The following PRTG variants were observed in gnomAD, a reference collection of about 807,000 sequenced individuals.
PRTG encodes protogenin.
Under a neutral mutation model 122.5 loss-of-function variants are expected in PRTG, and 67 were observed. The ratio of observed to expected loss-of-function variants is 0.55; its 90% CI spans 0.45 to 0.67. The LOEUF is 0.67. Among genes scored for constraint, PRTG ranks in the 30% least tolerant of loss-of-function variants. PRTG has a pLI of 0.00. For missense variants in PRTG, 1,435 were observed against 1,415.4 expected (o/e 1.01, Z -0.22); for synonymous variants, 554 against 501.1 (o/e 1.11, Z -1.41).
chr15:55,673,040 C>T (rs2059481801), intron 10 of PRTG, among the ~76,000 whole-genome samples: 2 of 152,022 alleles, frequency 1.3e-5, no homozygotes, highest in South Asian at 4.1e-4. Context: ...AGTCCTCCTA[C>T]TGAACTAAGG....
Position 55,613,049 on chromosome 15 carries a change from T to G in PRTG, c.*6963A>C, listed in dbSNP as rs2059127778. ...GATTATTTACACTTGAATTTTCTCTTAAGTTTTCAAAGTACTATTGTTTCA... is the reference window on the plus strand; with the variant it reads ...GATTATTTACACTTGAATTTTCTCTGAAGTTTTCAAAGTACTATTGTTTCA... On this transcript the variant is annotated 3_prime_UTR_variant, in exon 20 of 20. Transcript: ENST00000389286. The G allele has an allele frequency of 6.6e-6, 1 of 152,064 alleles. No individual in the cohort carries two copies. Among genetic ancestry groups the G allele is most frequent in the Non-Finnish European group, 1.5e-5 (1 of 67,936 alleles). 9.4% of individuals were successfully genotyped at this position (152,064 alleles called of 1,614,324 possible).
chr15:55,673,214 C>A (rs1374409368), intron 10 of PRTG, among the ~76,000 whole-genome samples, 157 bp downstream of exon 10: 1 of 152,052 alleles, frequency 6.6e-6, no homozygotes, highest in Non-Finnish European at 1.5e-5. Context: ...AAAGCGACTA[C>A]TTAATAAAAA....
At chr15:55,622,391 T>C (rs1157107782) in intron 18 of PRTG, among the ~76,000 whole-genome samples, 1 of 148,276 alleles carries the variant, frequency 6.7e-6, no homozygotes. Context: ...CTAATTTTTT[T>C]TTTTTTTTTT....
rs201846185 is a variant in PRTG, at chr15:55,638,618, C to T, written c.2383G>A (p.Val795Ile). 298 of 1,613,044 alleles carry T rather than the reference C, an allele frequency of 1.8e-4. No homozygotes were observed. Among genetic ancestry groups the T allele is most frequent in the Non-Finnish European group, 2.4e-4 (278 of 1,179,350 alleles). Residue 795 changes from valine to isoleucine, a missense_variant, in exon 14 of 20, where the codon GTT (valine) becomes ATT (isoleucine). Coordinates refer to ENST00000389286, the MANE Select transcript of PRTG (RefSeq NM_173814.6). ...LEPNTKYEFA[V>I]RLHVDQLSSP... is the part of the protein sequence containing the mutation. ...GAAAGCTGATCCACATGTAATCGAA[C>T]GGCAAATTCGTATTTGGTGTTTGGT...
intron 2 of PRTG, among the ~76,000 whole-genome samples, chr15:55,709,244 G>A (rs1187117597): frequency 4.2e-5 from 6 of 143,202 alleles, no homozygotes; most frequent in Non-Finnish European, 9.1e-5. Context: ...CCGTAATTAT[G>A]AGTGAAAGGA....
At chr15:55,662,959 T>C (rs183575604) in intron 11 of PRTG, among the ~76,000 whole-genome samples, 1 of 152,170 alleles carries the variant, frequency 6.6e-6, no homozygotes. Context: ...GCTATAGACA[T>C]CTCCACTGGG....
In PRTG at chr15:55,617,920, C is replaced by T. The variant is rs974126408; in HGVS notation, c.*2092G>A. The T allele has an allele frequency of 2.0e-5, 3 of 152,138 alleles. No homozygotes were observed. Among genetic ancestry groups the T allele is most frequent in the African/African-American group, 7.2e-5 (3 of 41,436 alleles). 9.4% of individuals were successfully genotyped at this position (152,138 alleles called of 1,614,324 possible). A position where few individuals can be genotyped will look rare whatever the true frequency, so the allele number is the denominator to read the frequency against. ...ACTTCTACTTACCAACCACAAAGCG[C>T]TATACCCTGTCAATCTGCCTATGCT... On this transcript the variant is annotated 3_prime_UTR_variant, in exon 20 of 20. Transcript: ENST00000389286.
In PRTG at chr15:55,619,341, A is replaced by C. The variant is rs1338281036; in HGVS notation, c.*671T>G. The C allele has an allele frequency of 6.6e-6, 1 of 152,358 alleles. No individual in the cohort carries two copies. The highest frequency in any genetic ancestry group is 6.5e-5 in the Admixed American group (1 of 15,280). 9.4% of individuals were successfully genotyped at this position (152,358 alleles called of 1,614,324 possible). A position where few individuals can be genotyped will look rare whatever the true frequency, so the allele number is the denominator to read the frequency against. The stretch of plus-strand genomic sequence containing the variant: ...CACTTTTCCTCTTCTCAGTGGTTTA[A>C]CGGTCCTCACAGCCAGAGGTATGAA... On this transcript the variant is annotated 3_prime_UTR_variant, in exon 20 of 20. Transcript: ENST00000389286.
At chr15:55,663,133 A>G (rs1056048031) in intron 11 of PRTG, among the ~76,000 whole-genome samples, 6 of 152,228 alleles carry the variant, frequency 3.9e-5, no homozygotes, top group Admixed American at 1.3e-4. Flanking sequence ...ATATTTACAG[A>G]TAACAGTTAT....
At chr15:55,657,085 A>AATGAGGCC (rs1234329982) in intron 11 of PRTG, among the ~76,000 whole-genome samples, 1 of 152,236 alleles carries the variant, frequency 6.6e-6, no homozygotes, top group African/African-American at 2.4e-5. Context: ...GTATACCAAG[A>AATGAGGCC]ATGAGGCCAT....
intron 15 of PRTG, among the ~76,000 whole-genome samples, chr15:55,634,597 T>C (rs953555130): frequency 2.6e-5 from 4 of 151,894 alleles, no homozygotes; most frequent in Admixed American, 6.6e-5. Flanking sequence ...TCCTAGCACT[T>C]TGGGAGGCTG....
intron 2 of PRTG, among the ~76,000 whole-genome samples, chr15:55,696,367 C>T (rs1254181508): frequency 6.6e-6 from 1 of 152,172 alleles, no homozygotes; most frequent in East Asian, 1.9e-4. Flanking sequence ...ATTTTTATGA[C>T]ACTGGTCTTT....
In PRTG at chr15:55,679,400, C is replaced by T. The variant is rs773260004; in HGVS notation, c.1019G>A (p.Arg340Gln). The change falls in exon 7 of 20, where the codon CGA becomes CAA. Residue 340 changes from arginine (R) to glutamine (Q), a missense_variant. By Grantham distance (43) the Arg-to-Gln change is conservative. Coordinates refer to ENST00000389286, the MANE Select transcript of PRTG (RefSeq NM_173814.6). ...VEWPESLTRPRAGTARFVCQA... is the reference protein window; with the variant it reads ...VEWPESLTRPQAGTARFVCQA... Reference sequence around the variant, plus strand: ...ACACACAAATCGAGCAGTGCCAGCTCGAGGCCTTGTTAAACTTTCTGGCCA... The same window carrying T: ...ACACACAAATCGAGCAGTGCCAGCTTGAGGCCTTGTTAAACTTTCTGGCCA... 14 of 1,612,712 alleles carry T rather than the reference C, an allele frequency of 8.7e-6. No homozygotes were observed. The highest frequency in any genetic ancestry group is 5.3e-5 in the African/African-American group (4 of 74,944).
chr15:55,738,454 T>C (rs923968057), intron 2 of PRTG: 12 of 700,916 alleles, frequency 1.7e-5, no homozygotes, highest in East Asian at 1.6e-4. Context: ...AAATGCTTCA[T>C]CTTCTCATGG....
intron 15 of PRTG, among the ~76,000 whole-genome samples, chr15:55,632,515 A>T (rs1324181263): frequency 6.6e-6 from 1 of 152,164 alleles, no homozygotes; most frequent in Non-Finnish European, 1.5e-5. Context: ...TCTATGGCTC[A>T]TGAAATCTGG....
intron 2 of PRTG, among the ~76,000 whole-genome samples, chr15:55,718,544 C>T (rs534329709): frequency 6.6e-6 from 1 of 152,006 alleles, no homozygotes; most frequent in South Asian, 2.1e-4. Flanking sequence ...GGCCCCACCC[C>T]TATCTCCCTT....
chr15:55,665,211 G>C (rs1423823116), intron 11 of PRTG, among the ~76,000 whole-genome samples: 1 of 152,016 alleles, frequency 6.6e-6, no homozygotes, highest in Non-Finnish European at 1.5e-5. Context: ...AGTGAGCCGA[G>C]ATCGCGCCCC....
intron 11 of PRTG, among the ~76,000 whole-genome samples, chr15:55,669,073 T>C (rs1341416482): frequency 6.6e-6 from 1 of 152,174 alleles, no homozygotes; most frequent in African/African-American, 2.4e-5. Context: ...TCATTCGTCT[T>C]TTTCTTTCTT....
At chr15:55,622,951 A>G (rs2059175011) in intron 18 of PRTG, among the ~76,000 whole-genome samples, 1 of 152,236 alleles carries the variant, frequency 6.6e-6, no homozygotes, top group Admixed American at 6.5e-5. Flanking sequence ...ATTAGGCTGC[A>G]AACAAAAAAA....
Sources: allele counts gnomAD v4.1 joint callset (sites outside exome capture counted in the v4.1 genomes callset), GRCh38; gene constraint gnomAD v4.1.1; transcripts MANE v1.5; gene names NCBI Gene and HGNC (gene_info 2026-07-23, HGNC 2026-07-21).